The following TPP2 variants were observed in gnomAD, a reference collection of about 807,000 sequenced individuals.
The protein encoded by TPP2 is tripeptidyl-peptidase 2.
TPP2 carries 34 observed loss-of-function variants against 155.9 expected under a neutral mutation model. The observed-to-expected ratio is 0.22, with a 90% CI of 0.17 to 0.29. The LOEUF is 0.29. Among genes scored for constraint, TPP2 ranks in the 10% least tolerant of loss-of-function variants. The pLI is 1.00. For synonymous variants in TPP2, 510 were observed against 529.4 expected, an observed-to-expected ratio of 0.96 and a Z score of 0.50; for missense variants, 1,028 against 1,522.3, an observed-to-expected ratio of 0.68 and a Z score of 5.40.
Position 102,621,269 on chromosome 13 carries a change from G to A in TPP2, c.621-1608G>A, listed in dbSNP as rs190435111. Among the ~76,000 whole-genome samples the A allele has an allele frequency of 7.2e-4, 110 of 152,242 alleles. 1 individual carries two copies. Among genetic ancestry groups the A allele is most frequent in the African/African-American group, 2.6e-3 (108 of 41,530 alleles). On this transcript the variant is annotated intron_variant, in intron 5 of 29. Transcript: ENST00000376052. ...GAATGTTGTTAAGGATGATGATTTCGTTAATTCCTTAATCATGTGGCAGAT... is the reference window on the plus strand; with the variant it reads ...GAATGTTGTTAAGGATGATGATTTCATTAATTCCTTAATCATGTGGCAGAT...
chr13:102,600,650 A>G (rs1879359345), intron 1 of TPP2, among the ~76,000 whole-genome samples: 2 of 152,196 alleles, frequency 1.3e-5, no homozygotes. Flanking sequence ...TTGTAATGTT[A>G]AATGTTTTTG....
At position 102,667,680 on chromosome 13, in the gene TPP2, G is replaced by A. The variant is rs1464640570; in HGVS notation, c.3371+2755G>A. 4.6e-6 allele frequency: 4 copies of A among 863,374 alleles called. No individual in the cohort carries two copies. The African/African-American group carries it at 5.5e-5, about 12-fold the overall frequency. 53.5% of individuals were successfully genotyped at this position (863,374 alleles called of 1,614,324 possible). ...GTAGAATTTAGATTACGTGATAAGA[G>A]GATGCTAAAATAGAAAGGGATCTTA... On this transcript the variant is annotated intron_variant, in intron 27 of 29. Transcript: ENST00000376052.
chr13:102,602,691 A>C (rs61965628), intron 1 of TPP2, among the ~76,000 whole-genome samples: 8,144 of 152,270 alleles, frequency 0.053, 282 homozygotes, highest in Middle Eastern at 0.075. Flanking sequence ...CCTTAATTAC[A>C]GAGCTTGGAG....
chr13:102,636,140 T>C, intron 12 of TPP2, 84 bp from the exon 13 acceptor site: 1 of 1,371,846 alleles, frequency 7.3e-7, no homozygotes, highest in Non-Finnish European at 9.8e-7. Flanking sequence ...GTTTTACAAC[T>C]GAAATCAAAT....
intron 27 of TPP2, among the ~76,000 whole-genome samples, chr13:102,672,450 A>T (rs1885042933): frequency 6.6e-6 from 1 of 152,170 alleles, no homozygotes; most frequent in South Asian, 2.1e-4. Context: ...TCCGGATAAG[A>T]GAATTTGACT....
intron 26 of TPP2, among the ~76,000 whole-genome samples, chr13:102,664,061 G>A (rs1025579177): frequency 1.3e-5 from 2 of 152,180 alleles, no homozygotes; most frequent in African/African-American, 4.8e-5. Flanking sequence ...AAATCTGAAC[G>A]CCTTCACTGA....
chr13:102,669,530 G>A (rs1884829736), intron 27 of TPP2, among the ~76,000 whole-genome samples: 1 of 152,206 alleles, frequency 6.6e-6, no homozygotes, highest in African/African-American at 2.4e-5. Context: ...ATCAACGGAT[G>A]CATGTACATA....
At chr13:102,650,683 G>A (rs1387508623) in intron 23 of TPP2, among the ~76,000 whole-genome samples, 2 of 152,142 alleles carry the variant, frequency 1.3e-5, no homozygotes, top group East Asian at 1.9e-4. Context: ...GCTTACTTGT[G>A]AAGAGTATAA....
At chr13:102,638,156 T>C in intron 14 of TPP2, 83 bp from the exon 15 acceptor site, 2 of 1,290,066 alleles carry the variant, frequency 1.6e-6, no homozygotes, top group South Asian at 2.4e-5. Context: ...TAGATTGATT[T>C]ATTCTGTCAG....
intron 24 of TPP2, among the ~76,000 whole-genome samples, chr13:102,654,530 T>A (rs965708782): frequency 2.0e-5 from 3 of 152,152 alleles, no homozygotes; most frequent in African/African-American, 7.2e-5. Flanking sequence ...TCAATTCTCT[T>A]TTCTCTTCTG....
In TPP2 at chr13:102,679,513, T is replaced by A. The variant is rs1469735089; in HGVS notation, c.*1197T>A. On this transcript the variant is annotated 3_prime_UTR_variant, in exon 30 of 30. Coordinates refer to ENST00000376052, the MANE Select transcript of TPP2 (RefSeq NM_001330588.2). The stretch of plus-strand genomic sequence containing the variant: ...TTGTTCTCTTAAGATTTACTGCTGC[T>A]TAAAATTACTACCAGTAATCCTTAG... 1 of 152,262 alleles carries A rather than the reference T, an allele frequency of 6.6e-6. No individual in the cohort carries two copies. Among genetic ancestry groups the A allele is most frequent in the South Asian group, 2.1e-4 (1 of 4,836 alleles). 9.4% of individuals were successfully genotyped at this position (152,262 alleles called of 1,614,324 possible).
intron 26 of TPP2, among the ~76,000 whole-genome samples, chr13:102,664,258 A>G (rs1292515543): frequency 6.6e-6 from 1 of 152,228 alleles, no homozygotes; most frequent in Non-Finnish European, 1.5e-5. Context: ...GAGATTTCTT[A>G]AAAGACTTTA....
chr13:102,651,795 T>C (rs968764870), intron 24 of TPP2, among the ~76,000 whole-genome samples: 1 of 152,188 alleles, frequency 6.6e-6, no homozygotes, highest in African/African-American at 2.4e-5. Flanking sequence ...AAAAGCACTT[T>C]TAAATTGGGT....
intron 25 of TPP2, among the ~76,000 whole-genome samples, chr13:102,661,880 G>T: frequency 6.6e-6 from 1 of 152,152 alleles, no homozygotes. Context: ...CTCTTCAAAT[G>T]ATTAAACTTA....
chr13:102,651,649 C>T (rs1008640919), intron 24 of TPP2, among the ~76,000 whole-genome samples: 1 of 150,912 alleles, frequency 6.6e-6, no homozygotes, highest in Admixed American at 6.6e-5. Context: ...AATTTTAATG[C>T]TATTCATTTC....
rs143572932 is a variant in TPP2, at chr13:102,615,838, G to T, written c.391-558G>T. ...GAGAAGGTTTTAAATTGGGGAATAT[G>T]ATACATAAAAATACATCTGGATGTG... On this transcript the variant is annotated intron_variant, in intron 3 of 29. Transcript: ENST00000376052. 1.7e-3 allele frequency among the ~76,000 whole-genome samples: 255 copies of T among 152,296 alleles called. 2 individuals are homozygous for T. The highest frequency in any genetic ancestry group is 5.7e-3 in the African/African-American group (238 of 41,558).
intron 25 of TPP2, among the ~76,000 whole-genome samples, chr13:102,657,976 T>C (rs995928360): frequency 7.9e-5 from 12 of 152,242 alleles, no homozygotes; most frequent in Non-Finnish European, 1.8e-4. Flanking sequence ...GTTATTAGTA[T>C]AGCTTCTGAC....
At chr13:102,661,673 A>G (rs1884239898) in intron 25 of TPP2, among the ~76,000 whole-genome samples, 1 of 152,180 alleles carries the variant, frequency 6.6e-6, no homozygotes, top group South Asian at 2.1e-4. Flanking sequence ...GTGCATGAAA[A>G]AATGCTCAAA....
At position 102,678,243 on chromosome 13, in the gene TPP2, G is replaced by A; in HGVS notation, c.3716G>A (p.Gly1239Glu). The change falls in exon 30 of 30, where the codon GGA (glycine) becomes GAA (glutamate). Residue 1239 changes from glycine (G) to glutamate (E), a missense_variant. This residue lies in a region of TPP2 where 41 missense variants were observed against 78.3 expected (regional missense o/e 0.52). Coordinates refer to ENST00000376052, the MANE Select transcript of TPP2 (RefSeq NM_001330588.2). Reference protein sequence around the residue: ...KNCIQLMKLLGWTHCASFTEN... With the variant: ...KNCIQLMKLLEWTHCASFTEN... ...TTGTTGTAGCTGATGAAGTTACTTG[G>A]ATGGACCCATTGTGCATCTTTTACT... 1 of 1,613,140 alleles carries A rather than the reference G, an allele frequency of 6.2e-7. No individual in the cohort carries two copies.
Sources: allele counts gnomAD v4.1 joint callset (sites outside exome capture counted in the v4.1 genomes callset), GRCh38; gene constraint gnomAD v4.1.1; regional missense constraint gnomAD v4.1.1; transcripts MANE v1.5; gene names NCBI Gene and HGNC (gene_info 2026-07-23, HGNC 2026-07-21).